EXOC6B: variants seen among roughly 807,000 people sequenced by gnomAD.
The protein encoded by EXOC6B is SEC15 homolog B.
In EXOC6B, 54 loss-of-function variants were observed where a neutral mutation model predicts 113.5. That is an observed-to-expected ratio of 0.48 (90% CI 0.38 to 0.60). EXOC6B has a LOEUF of 0.60. Among genes scored for constraint, EXOC6B ranks in the 20% least tolerant of loss-of-function variants. The pLI, the probability that EXOC6B is intolerant of heterozygous loss-of-function variation, is 0.00. For missense variants in EXOC6B, 797 were observed against 977.5 expected (o/e 0.82, Z 2.46); for synonymous variants, 357 against 339.0 (o/e 1.05, Z -0.58).
chr2:72,534,532 G>C (rs1452835311), intron 8 of EXOC6B, among the ~76,000 whole-genome samples: 2 of 152,076 alleles, frequency 1.3e-5, no homozygotes, highest in Non-Finnish European at 2.9e-5. Context: ...ATTGAGGTAA[G>C]GGTTGGATTT....
At chr2:72,628,459 T>G (rs1384795056) in intron 6 of EXOC6B, among the ~76,000 whole-genome samples, 1 of 152,128 alleles carries the variant, frequency 6.6e-6, no homozygotes, top group Non-Finnish European at 1.5e-5. Flanking sequence ...TAATCTTCAA[T>G]GTATTGAGTC....
chr2:72,406,694 A>G (rs1444996147), intron 18 of EXOC6B, among the ~76,000 whole-genome samples: 1 of 152,248 alleles, frequency 6.6e-6, no homozygotes, highest in East Asian at 1.9e-4. Flanking sequence ...TTTGGGACAC[A>G]TTCAAAGAAG....
intron 8 of EXOC6B, among the ~76,000 whole-genome samples, chr2:72,534,999 C>T (rs965727145): frequency 6.6e-5 from 10 of 152,158 alleles, no homozygotes; most frequent in African/African-American, 2.4e-4. Context: ...AAAGTGGTTT[C>T]AGGAAACCTC....
chr2:72,392,039 T>C (rs573484098), intron 18 of EXOC6B, among the ~76,000 whole-genome samples: 2 of 152,372 alleles, frequency 1.3e-5, no homozygotes, highest in African/African-American at 4.8e-5. Flanking sequence ...TTTGCTATTC[T>C]AGAATACATA....
At chr2:72,419,339 T>C (rs148820530) in intron 18 of EXOC6B, among the ~76,000 whole-genome samples, 12 of 152,332 alleles carry the variant, frequency 7.9e-5, no homozygotes, top group African/African-American at 2.9e-4. Flanking sequence ...GAGTTACAAC[T>C]TCTCATTACA....
chr2:72,202,965 C>G (rs534846565), intron 20 of EXOC6B, among the ~76,000 whole-genome samples: 122 of 152,306 alleles, frequency 8.0e-4, no homozygotes, highest in African/African-American at 2.7e-3. Context: ...TGCCTAAGAG[C>G]CGGCCAGTTC....
At position 72,825,821 on chromosome 2, in the gene EXOC6B, C is replaced by G; in HGVS notation, c.90G>C (p.Thr30=). Residue 30 remains threonine (T), a synonymous_variant, in exon 1 of 22, where the codon ACG becomes ACC. Transcript: ENST00000272427. This position sits in a 1 kb window ranked among gnomAD's most constrained non-coding sequence, Gnocchi z 4.4. ...RILREIESTD[T]ACIGPTLRSV... is the part of the protein sequence containing the mutation. ...ACCTGAGCGTGGGCCCGATGCAGGC[C>G]GTGTCAGTGCTCTCGATCTCTCGCA... 6.2e-7 allele frequency: 1 copy of G among 1,613,358 alleles called. No homozygotes were observed. Among genetic ancestry groups the G allele is most frequent in the Non-Finnish European group, 8.5e-7 (1 of 1,179,704 alleles).
chr2:72,662,668 G>A (rs2104454229), intron 6 of EXOC6B, among the ~76,000 whole-genome samples: 1 of 151,992 alleles, frequency 6.6e-6, no homozygotes, highest in East Asian at 1.9e-4. Flanking sequence ...TGCTAAGTGA[G>A]GATACTGAGC....
Position 72,472,308 on chromosome 2 carries a change from T to C in EXOC6B, c.1801-6969A>G, listed in dbSNP as rs1000238435. Among the ~76,000 whole-genome samples the C allele has an allele frequency of 2.0e-5, 3 of 152,148 alleles. No homozygotes were observed. In the East Asian group the frequency reaches 5.8e-4, roughly 29 times the overall value. ...GTATGAGTTATTCTTATATGTTTGG[T>C]GGAATTTGGTGGTGAATCCACCTGG... On this transcript the variant is annotated intron_variant, in intron 17 of 21. Coordinates refer to ENST00000272427, the MANE Select transcript of EXOC6B (RefSeq NM_015189.3).
intron 8 of EXOC6B, among the ~76,000 whole-genome samples, chr2:72,523,984 G>A (rs554649475): frequency 9.9e-5 from 15 of 151,802 alleles, no homozygotes; most frequent in Admixed American, 2.0e-4. Flanking sequence ...CAAGGGAAGG[G>A]AAAGGAAGAA....
chr2:72,382,174 C>A (rs967612649), intron 18 of EXOC6B, among the ~76,000 whole-genome samples: 1 of 152,148 alleles, frequency 6.6e-6, no homozygotes, highest in Non-Finnish European at 1.5e-5. Flanking sequence ...ATTAAACCCA[C>A]CAGAGACCTA....
At chr2:72,697,854 T>C (rs1271609057) in intron 6 of EXOC6B, among the ~76,000 whole-genome samples, 2 of 152,214 alleles carry the variant, frequency 1.3e-5, no homozygotes, top group East Asian at 1.9e-4. Flanking sequence ...ACAACTAAGA[T>C]AGTGATCTCA....
chr2:72,715,176 G>A (rs538380342), intron 6 of EXOC6B, among the ~76,000 whole-genome samples: 3 of 152,112 alleles, frequency 2.0e-5, no homozygotes, highest in Non-Finnish European at 2.9e-5. Context: ...GCAGTGAGCC[G>A]AGATTGCACC....
chr2:72,293,706 A>G (rs1248774980), intron 20 of EXOC6B, among the ~76,000 whole-genome samples: 1 of 152,180 alleles, frequency 6.6e-6, no homozygotes, highest in Non-Finnish European at 1.5e-5. Context: ...GAGGCTTGTA[A>G]TAAGTAATAC....
intron 6 of EXOC6B, among the ~76,000 whole-genome samples, chr2:72,629,561 G>A (rs1299544447): frequency 6.6e-6 from 1 of 152,114 alleles, no homozygotes; most frequent in African/African-American, 2.4e-5. Context: ...TGATTCTGAT[G>A]GAAAAGCCAG....
intron 20 of EXOC6B, among the ~76,000 whole-genome samples, chr2:72,308,714 G>T (rs1277360632): frequency 6.6e-6 from 1 of 152,088 alleles, no homozygotes; most frequent in Non-Finnish European, 1.5e-5. Flanking sequence ...TTTGTTCAAG[G>T]CTAATAGCAA....
chr2:72,765,755 T>G (rs2104920610), intron 1 of EXOC6B, among the ~76,000 whole-genome samples: 1 of 152,136 alleles, frequency 6.6e-6, no homozygotes. Flanking sequence ...AAGAGGGGAA[T>G]AGTAAGAATG....
At chr2:72,601,124 A>ATGTGTGTGTG (rs61668760) in intron 6 of EXOC6B, among the ~76,000 whole-genome samples, 5 of 138,598 alleles carry the variant, frequency 3.6e-5, no homozygotes, top group Admixed American at 7.4e-5. Flanking sequence ...GTGTGTGTGT[A>ATGTGTGTGTG]TGTGTGTGTG....
intron 20 of EXOC6B, among the ~76,000 whole-genome samples, chr2:72,333,227 C>T (rs1688505907): frequency 6.6e-6 from 1 of 152,092 alleles, no homozygotes; most frequent in South Asian, 2.1e-4. Context: ...TCACTGAGAG[C>T]TTACAAGTAC....
Sources: gnomAD v4.1 joint callset for allele counts (sites outside exome capture counted in the v4.1 genomes callset) on GRCh38, gnomAD v4.1.1 for gene constraint, Gnocchi (gnomAD v3.1) non-coding constraint, MANE v1.5 for transcripts, NCBI Gene and HGNC (gene_info 2026-07-23, HGNC 2026-07-21) for gene names.